Variants in EXOC3L2 observed in about 807,000 individuals in gnomAD.
EXOC3L2 encodes exocyst complex component 3-like protein 2.
A neutral mutation model predicts 44.4 loss-of-function variants in EXOC3L2; 17 were observed. That is an observed-to-expected ratio of 0.38 (90% CI 0.26 to 0.57). The LOEUF (loss-of-function observed/expected upper bound fraction) is 0.57. Among genes scored for constraint, EXOC3L2 ranks in the 20% least tolerant of loss-of-function variants. The pLI, the probability that EXOC3L2 is intolerant of heterozygous loss-of-function variation, is 0.65. For synonymous variants in EXOC3L2, 256 were observed against 253.7 expected, an observed-to-expected ratio of 1.01 and a Z score of -0.09; for missense variants, 541 against 588.4, an observed-to-expected ratio of 0.92 and a Z score of 0.83.
chr19:45,219,413 A>AG (rs1555755864), intron 8 of EXOC3L2, among the ~76,000 whole-genome samples: 1 of 150,672 alleles, frequency 6.6e-6, no homozygotes, highest in Non-Finnish European at 1.5e-5. Context: ...AAAAAAAAAA[A>AG]AGAGAAAAAG....
At chr19:45,235,082 C>G (rs1245213564) in intron 2 of EXOC3L2, among the ~76,000 whole-genome samples, 3 of 152,266 alleles carry the variant, frequency 2.0e-5, no homozygotes, top group East Asian at 3.9e-4. Context: ...CGGCGGATCA[C>G]TTGAGGTCAG....
chr19:45,237,354 A>G (rs566484233), intron 2 of EXOC3L2, among the ~76,000 whole-genome samples: 145 of 152,258 alleles, frequency 9.5e-4, no homozygotes, highest in African/African-American at 3.4e-3. Flanking sequence ...TGTGAAAATT[A>G]GCCAGGTGTG....
chr19:45,238,842 C>T lies in EXOC3L2; in HGVS notation c.204G>A (p.Arg68=). ...CCCGCCGGCCCGGGGCCCAGCCCAG[C>T]CGGAAGGGGGCCAGGCCCGCAAGCT... is the stretch of plus-strand genomic sequence containing the variant. ...LEKLAGLAPF[R]LGWAPGRRAG... is the part of the protein sequence containing the mutation. Residue 68 remains arginine (R), a synonymous_variant, in exon 2 of 12, where the codon CGG becomes CGA. Coordinates refer to ENST00000413988, the MANE Select transcript of EXOC3L2 (RefSeq NM_001382422.1). The surrounding 1 kb of genome is among the most constrained non-coding windows in gnomAD (Gnocchi z 5.5). 1 of 398,950 alleles carries T rather than the reference C, an allele frequency of 2.5e-6. No individual in the cohort carries two copies. 24.7% of individuals were successfully genotyped at this position (398,950 alleles called of 1,614,324 possible). A position where few individuals can be genotyped will look rare whatever the true frequency, so the allele number is the denominator to read the frequency against.
rs769797429 is a variant in EXOC3L2 at position 45,217,648 on chromosome 19, G to A, written c.1878C>T (p.Val626=). 6 of 1,433,872 alleles carry A rather than the reference G, an allele frequency of 4.2e-6. No individual in the cohort carries two copies. Among genetic ancestry groups the A allele is most frequent in the Non-Finnish European group, 5.4e-6 (6 of 1,103,052 alleles). 88.8% of individuals were successfully genotyped at this position (1,433,872 alleles called of 1,614,324 possible). A position where few individuals can be genotyped will look rare whatever the true frequency, so the allele number is the denominator to read the frequency against. Residue 626 remains valine, a synonymous_variant, in exon 10 of 12, where the codon GTC becomes GTT. Coordinates refer to ENST00000413988, the MANE Select transcript of EXOC3L2 (RefSeq NM_001382422.1). ...LVAELHRRAL[V]EYVRPLLRGR... ...CACGGAGCAGGGGCCGCACGTACTC[G>A]ACCAGCGCCCGCCGGTGTAGCTCGG...
chr19:45,229,853 A>G (rs1020124537), intron 4 of EXOC3L2, among the ~76,000 whole-genome samples: 1 of 131,658 alleles, frequency 7.6e-6, no homozygotes, highest in Non-Finnish European at 1.5e-5. Flanking sequence ...CTCAAAATAT[A>G]TATATGTGTA....
chr19:45,213,023 G>A lies in EXOC3L2; in HGVS notation c.*46C>T, dbSNP rs1408560834. 3.5e-5 allele frequency: 50 copies of A among 1,433,244 alleles called. No individual in the cohort carries two copies. The highest frequency in any genetic ancestry group is 4.2e-5 in the Non-Finnish European group (46 of 1,098,982). The allele number at this position is 1,433,244 out of a possible 1,614,324, so 88.8% of individuals were successfully genotyped here. The stretch of plus-strand genomic sequence containing the variant: ...GGGGCGCCGTACGGGAGGTTGGCTT[G>A]TCAGCAGCATAGATGGGGTCACTAA... On this transcript the variant is annotated 3_prime_UTR_variant, in exon 12 of 12. Transcript: ENST00000413988.
chr19:45,222,594 C>T (rs1357500724), intron 8 of EXOC3L2, among the ~76,000 whole-genome samples: 1 of 152,118 alleles, frequency 6.6e-6, no homozygotes, highest in Non-Finnish European at 1.5e-5. Context: ...TTCTCAGTCT[C>T]TCCCTGTTTC....
At chr19:45,237,595 A>T (rs962890297) in intron 2 of EXOC3L2, among the ~76,000 whole-genome samples, 3 of 152,118 alleles carry the variant, frequency 2.0e-5, no homozygotes, top group Admixed American at 2.0e-4. Context: ...TGGGCTTGGA[A>T]TAAGTGTGGG....
chr19:45,227,374 G>A (rs1955627504), intron 7 of EXOC3L2, among the ~76,000 whole-genome samples: 1 of 152,026 alleles, frequency 6.6e-6, no homozygotes, highest in Admixed American at 6.6e-5. Context: ...GCCTGCCTCG[G>A]CCTCCCAAAG....
rs762904371 is a variant in EXOC3L2, at chr19:45,228,013, G to A, written c.1433C>T (p.Ala478Val). The change falls in exon 6 of 12, where the codon GCC becomes GTC. Residue 478 changes from alanine to valine, a missense_variant. Transcript: ENST00000413988. The stretch of plus-strand genomic sequence containing the variant: ...TGCCAGCCCGCCTAGGCAGCAGTGG[G>A]CCATCCGCTCCCCAAACTCCTGGCT... ...RISQEFGERM[A>V]HCCLGGLAEF... The A allele has an allele frequency of 2.5e-6, 4 of 1,613,868 alleles. No homozygotes were observed. Among genetic ancestry groups the A allele is most frequent in the African/African-American group, 1.3e-5 (1 of 74,904 alleles).
At chr19:45,236,530 G>C (rs1468766729) in intron 2 of EXOC3L2, among the ~76,000 whole-genome samples, 1 of 151,142 alleles carries the variant, frequency 6.6e-6, no homozygotes, top group Non-Finnish European at 1.5e-5. Context: ...AAGTGAGTTG[G>C]GCTTGGGAAT....
At chr19:45,231,986 C>T in intron 3 of EXOC3L2, 112 bp from the exon 4 acceptor site, 2 of 565,094 alleles carry the variant, frequency 3.5e-6, no homozygotes, top group South Asian at 6.6e-5. Flanking sequence ...CACTCCCTTC[C>T]TCTCTCTAAG....
At chr19:45,237,896 C>A (rs1447547098) in intron 2 of EXOC3L2, among the ~76,000 whole-genome samples, 2 of 152,170 alleles carry the variant, frequency 1.3e-5, no homozygotes, top group African/African-American at 4.8e-5. Context: ...GTAATCCCAA[C>A]ATTTTGGGAG....
At chr19:45,233,063 G>T (rs1345760476) in intron 3 of EXOC3L2, among the ~76,000 whole-genome samples, 1 of 151,982 alleles carries the variant, frequency 6.6e-6, no homozygotes, top group Non-Finnish European at 1.5e-5. Flanking sequence ...TAAAAATACA[G>T]AAATTAGCTG....
chr19:45,242,726 G>A (rs978621117), intron 1 of EXOC3L2, among the ~76,000 whole-genome samples: 26 of 152,200 alleles, frequency 1.7e-4, no homozygotes, highest in Admixed American at 7.2e-4. Context: ...GCTGGGTGTG[G>A]TGGCGGGTGC....
At chr19:45,218,888 A>T (rs1969867383) in intron 8 of EXOC3L2, among the ~76,000 whole-genome samples, 1 of 152,104 alleles carries the variant, frequency 6.6e-6, no homozygotes. Context: ...GCTTGAGCCC[A>T]AGAGTTTGAG....
chr19:45,225,697 A>C (rs1478229792), intron 7 of EXOC3L2, among the ~76,000 whole-genome samples: 1 of 141,772 alleles, frequency 7.1e-6, no homozygotes, highest in East Asian at 2.1e-4. Context: ...ATCTTGGCTC[A>C]TTGCAACCTC....
rs1181511634 is a variant in EXOC3L2, at chr19:45,216,009, T to C, written c.2120+64A>G. 1.1e-5 allele frequency: 17 copies of C among 1,595,944 alleles called. No homozygotes were observed. The Admixed American group carries it at 2.9e-4, about 27-fold the overall frequency. ...AGGAGGCAGGAAGCACAGGGACGGATGCCAAGGCCGCCAGGAGACCTCGGC... is the reference window on the plus strand; with the variant it reads ...AGGAGGCAGGAAGCACAGGGACGGACGCCAAGGCCGCCAGGAGACCTCGGC... On this transcript the variant is annotated intron_variant, in intron 11 of 11. Coordinates refer to ENST00000413988, the MANE Select transcript of EXOC3L2 (RefSeq NM_001382422.1).
At chr19:45,230,753 G>T (rs1568483152) in intron 4 of EXOC3L2, among the ~76,000 whole-genome samples, 1 of 152,128 alleles carries the variant, frequency 6.6e-6, no homozygotes, top group Non-Finnish European at 1.5e-5. Context: ...AACTCCAAAG[G>T]CTGGGCTGCA....
Sources: allele counts gnomAD v4.1 joint callset (sites outside exome capture counted in the v4.1 genomes callset), GRCh38; gene constraint gnomAD v4.1.1; non-coding constraint Gnocchi (gnomAD v3.1); transcripts MANE v1.5; gene names NCBI Gene and HGNC (gene_info 2026-07-23, HGNC 2026-07-21).